Variants in SATB1 observed in about 807,000 individuals in gnomAD.
The protein encoded by SATB1 is DNA-binding protein SATB1.
SATB1 carries 11 observed loss-of-function variants against 86.9 expected under a neutral mutation model. The ratio of observed to expected loss-of-function variants is 0.13; its 90% CI spans 0.08 to 0.21. SATB1 has a LOEUF of 0.21. Ranked by LOEUF, SATB1 falls within the 10% of genes least tolerant of loss-of-function variation. SATB1 has a pLI of 1.00. For synonymous variants in SATB1, 357 were observed against 357.2 expected, an observed-to-expected ratio of 1.00 and a Z score of 0.01; for missense variants, 551 against 937.6, an observed-to-expected ratio of 0.59 and a Z score of 5.39.
intron 10 of SATB1, chr3:18,351,398 G>A (rs756778750): frequency 1.5e-5 from 24 of 1,548,494 alleles, no homozygotes; most frequent in Non-Finnish European, 2.0e-5. Context: ...AAGGGTGGTG[G>A]GAGAGGGGCT....
intron 9 of SATB1, among the ~76,000 whole-genome samples, chr3:18,370,812 C>T (rs997947390): frequency 1.3e-5 from 2 of 152,180 alleles, no homozygotes; most frequent in Admixed American, 1.3e-4. Context: ...GCATGCTCTA[C>T]CTTGCCACTG....
At chr3:18,362,468 A>G (rs1694948028) in intron 9 of SATB1, among the ~76,000 whole-genome samples, 1 of 152,026 alleles carries the variant, frequency 6.6e-6, no homozygotes, top group South Asian at 2.1e-4. Context: ...GTGGTAAAAT[A>G]CTGTATACAC....
At chr3:18,393,082 G>A (rs925304595) in intron 7 of SATB1, among the ~76,000 whole-genome samples, 1 of 151,844 alleles carries the variant, frequency 6.6e-6, no homozygotes, top group Non-Finnish European at 1.5e-5. Flanking sequence ...AGTCACAGCT[G>A]GGATTCTCCT....
At chr3:18,434,999 A>T (rs1453397195) in intron 2 of SATB1, 1 of 152,180 alleles carries the variant, frequency 6.6e-6, no homozygotes, top group Non-Finnish European at 1.5e-5. Context: ...ACAATTTTCT[A>T]AACGTTGTGT....
chr3:18,445,340 C>G (rs1420150434), intron 1 of SATB1: 1 of 983,644 alleles, frequency 1.0e-6, no homozygotes, highest in Non-Finnish European at 1.2e-6. Context: ...TCCCTCCCAG[C>G]GCGCCGGCCG....
chr3:18,403,325 A>AT (rs1230045512), intron 5 of SATB1, among the ~76,000 whole-genome samples: 2 of 151,942 alleles, frequency 1.3e-5, no homozygotes. Flanking sequence ...AGTTAAAAAC[A>AT]TTTTTTTCAA....
At chr3:18,400,653 G>C (rs893448581) in intron 5 of SATB1, among the ~76,000 whole-genome samples, 1 of 152,192 alleles carries the variant, frequency 6.6e-6, no homozygotes, top group African/African-American at 2.4e-5. Context: ...AATTAGCACA[G>C]AGCCTGTAAC....
chr3:18,368,399 G>A (rs1032419611), intron 9 of SATB1, among the ~76,000 whole-genome samples: 1 of 152,016 alleles, frequency 6.6e-6, no homozygotes, highest in African/African-American at 2.4e-5. Flanking sequence ...AAGAAACTAT[G>A]AATAGGAAGA....
chr3:18,389,085 T>C (rs573428764), intron 7 of SATB1, among the ~76,000 whole-genome samples: 203 of 152,242 alleles, frequency 1.3e-3, no homozygotes, highest in Non-Finnish European at 2.3e-3. Context: ...TATTTAAGCA[T>C]ACAAGTGTTT....
rs1699038209 is a variant in SATB1 at position 18,435,795 on chromosome 3, T to TA, written c.-25+993dup. On this transcript the variant is annotated intron_variant, in intron 2 of 3. Transcript: ENST00000414509. ...CACTAAGGAGCATCACATGATTATT[T>TA]AATTACAGCTCTAATTTTTGTCTCG... Among the ~76,000 whole-genome samples, 3 of 152,278 alleles carry TA rather than the reference T, an allele frequency of 2.0e-5. No individual in the cohort carries two copies. In the East Asian group the frequency reaches 5.8e-4, roughly 29 times the overall value.
chr3:18,360,637 T>C (rs542330658), intron 9 of SATB1, among the ~76,000 whole-genome samples: 11 of 152,234 alleles, frequency 7.2e-5, no homozygotes, highest in African/African-American at 2.2e-4. Flanking sequence ...CTATGTGAAC[T>C]TGAATAATGT....
At chr3:18,371,498 G>T (rs535326086) in intron 9 of SATB1, among the ~76,000 whole-genome samples, 164 of 152,136 alleles carry the variant, frequency 1.1e-3, no homozygotes, top group Non-Finnish European at 1.6e-3. Context: ...TAATCTCTAA[G>T]GTTACTTTTT....
intron 9 of SATB1, among the ~76,000 whole-genome samples, chr3:18,371,469 G>C (rs772730175): frequency 6.6e-6 from 1 of 152,232 alleles, no homozygotes; most frequent in African/African-American, 2.4e-5. Context: ...AGTATAACAA[G>C]TATACTTAGA....
intron 9 of SATB1, among the ~76,000 whole-genome samples, chr3:18,358,842 G>A (rs1694777128): frequency 6.6e-6 from 1 of 151,874 alleles, no homozygotes; most frequent in Non-Finnish European, 1.5e-5. Context: ...GTTTATTTAA[G>A]AGACTCAGTA....
At chr3:18,408,440 G>C (rs1237992979) in intron 5 of SATB1, among the ~76,000 whole-genome samples, 1 of 151,930 alleles carries the variant, frequency 6.6e-6, no homozygotes, top group African/African-American at 2.4e-5. Context: ...ATTCCTAATA[G>C]AATCATTTTA....
chr3:18,421,101 AT>A (rs1269730499), intron 1 of SATB1, 110 bp from the exon 2 acceptor site: 17 of 693,544 alleles, frequency 2.5e-5, no homozygotes, highest in Middle Eastern at 4.0e-4. Flanking sequence ...AATATAATGT[AT>A]TTGTAAAATG....
intron 1 of SATB1, chr3:18,445,126 G>A (rs1699356236): frequency 2.6e-6 from 2 of 771,942 alleles, no homozygotes; most frequent in Non-Finnish European, 3.1e-6. Flanking sequence ...CGGACCCCGC[G>A]TAGCCGCCGC....
At position 18,386,618 on chromosome 3, in the gene SATB1, G is replaced by A; in HGVS notation, c.1207-7C>T. On this transcript the variant is annotated splice_region_variant and splice_polypyrimidine_tract_variant and intron_variant, in intron 7 of 10. Coordinates refer to ENST00000338745, the MANE Select transcript of SATB1 (RefSeq NM_002971.6). This position sits in a 1 kb window ranked among gnomAD's most constrained non-coding sequence, Gnocchi z 4.5. Reference sequence around the variant, plus strand: ...GGATTTCTGAAAGCAAGCCCTGCAAGAAATGAAAGGCACAGGGTGAGCCTG... The same window carrying A: ...GGATTTCTGAAAGCAAGCCCTGCAAAAAATGAAAGGCACAGGGTGAGCCTG... 6.2e-7 allele frequency: 1 copy of A among 1,612,938 alleles called. No homozygotes were observed. Among genetic ancestry groups the A allele is most frequent in the Non-Finnish European group, 8.5e-7 (1 of 1,179,090 alleles).
At chr3:18,395,178 T>C (rs1274760801) in intron 6 of SATB1, among the ~76,000 whole-genome samples, 1 of 152,190 alleles carries the variant, frequency 6.6e-6, no homozygotes, top group Non-Finnish European at 1.5e-5. Flanking sequence ...AAATCAATTA[T>C]TACCCAAACT....
Sources: gnomAD v4.1 joint callset for allele counts (sites outside exome capture counted in the v4.1 genomes callset) on GRCh38, gnomAD v4.1.1 for gene constraint, Gnocchi (gnomAD v3.1) non-coding constraint, MANE v1.5 for transcripts, NCBI Gene and HGNC (gene_info 2026-07-23, HGNC 2026-07-21) for gene names.